Variants in KCNAB1 observed in about 807,000 individuals in gnomAD.
The protein encoded by KCNAB1 is potassium voltage-gated channel subfamily A regulatory beta subunit 1.
Under a neutral mutation model 64.6 loss-of-function variants are expected in KCNAB1, and 35 were observed. That is an observed-to-expected ratio of 0.54 (90% CI 0.41 to 0.72). The LOEUF is 0.72. Ranked by LOEUF, KCNAB1 falls within the 30% of genes least tolerant of loss-of-function variation. The probability of loss-of-function intolerance (pLI) is 0.00; values close to 1 mark genes in which losing one functional copy is unlikely to be tolerated. For missense variants in KCNAB1, 401 were observed against 512.9 expected (o/e 0.78, Z 2.11); for synonymous variants, 177 against 183.8 (o/e 0.96, Z 0.30).
chr3:156,252,787 G>A (rs910606545), intron 1 of KCNAB1, among the ~76,000 whole-genome samples: 1 of 152,158 alleles, frequency 6.6e-6, no homozygotes, highest in Non-Finnish European at 1.5e-5. Context: ...GAGCTTACAC[G>A]GGGACTTATG....
At chr3:156,505,607 A>AT (rs1252268513) in intron 8 of KCNAB1, among the ~76,000 whole-genome samples, 2 of 152,034 alleles carry the variant, frequency 1.3e-5, no homozygotes, top group Admixed American at 1.3e-4. Flanking sequence ...AATTGTAGAG[A>AT]TTTTTTACCT....
intron 1 of KCNAB1, among the ~76,000 whole-genome samples, chr3:156,231,535 C>T (rs1716531321): frequency 7.6e-6 from 1 of 131,896 alleles, no homozygotes; most frequent in South Asian, 2.8e-4. Context: ...TTTCTCCCTT[C>T]TTCCCTTCTT....
chr3:156,198,902 T>C (rs1396890445), intron 1 of KCNAB1, among the ~76,000 whole-genome samples: 1 of 149,964 alleles, frequency 6.7e-6, no homozygotes, highest in East Asian at 1.9e-4. Flanking sequence ...GTCATTGGTC[T>C]TTATATTTTG....
intron 1 of KCNAB1, among the ~76,000 whole-genome samples, chr3:156,146,305 G>A (rs542962091): frequency 1.3e-5 from 2 of 152,248 alleles, no homozygotes; most frequent in African/African-American, 4.8e-5. Context: ...CATTTTATCA[G>A]TGACTATAAA....
chr3:156,513,636 G>A (rs1248819658), intron 8 of KCNAB1, among the ~76,000 whole-genome samples: 4 of 152,178 alleles, frequency 2.6e-5, no homozygotes, highest in Non-Finnish European at 5.9e-5. Context: ...CATCCTCTGG[G>A]GAAGGGATTC....
intron 1 of KCNAB1, among the ~76,000 whole-genome samples, chr3:156,263,732 A>G (rs958713326): frequency 2.0e-5 from 3 of 152,098 alleles, no homozygotes; most frequent in Non-Finnish European, 4.4e-5. Flanking sequence ...CCTCCCATAT[A>G]CTTTAAATCA....
chr3:156,502,767 G>A (rs1716536793), intron 8 of KCNAB1, among the ~76,000 whole-genome samples: 1 of 152,146 alleles, frequency 6.6e-6, no homozygotes, highest in Non-Finnish European at 1.5e-5. Flanking sequence ...ATTGCCAAAG[G>A]AACCCCCAGG....
At chr3:156,267,947 A>G (rs1218611950) in intron 1 of KCNAB1, among the ~76,000 whole-genome samples, 1 of 151,966 alleles carries the variant, frequency 6.6e-6, no homozygotes, top group Non-Finnish European at 1.5e-5. Flanking sequence ...GACCATAGTC[A>G]CCTGCTTTTG....
intron 7 of KCNAB1, among the ~76,000 whole-genome samples, chr3:156,470,222 AT>A (rs1371157957): frequency 6.6e-6 from 1 of 152,182 alleles, no homozygotes; most frequent in African/African-American, 2.4e-5. Context: ...AGAGGAAGAA[AT>A]TTCACTAGCA....
chr3:156,501,475 G>A (rs1422274020), intron 8 of KCNAB1, among the ~76,000 whole-genome samples: 1 of 138,670 alleles, frequency 7.2e-6, no homozygotes, highest in African/African-American at 2.7e-5. Flanking sequence ...TGTTGCCCAG[G>A]CTGGAAATCG....
At chr3:156,331,569 G>A (rs1447260444) in intron 1 of KCNAB1, among the ~76,000 whole-genome samples, 3 of 151,904 alleles carry the variant, frequency 2.0e-5, no homozygotes, top group African/African-American at 7.3e-5. Context: ...ATAAATGAGG[G>A]CATATAAATG....
intron 13 of KCNAB1, 78 bp downstream of exon 13, chr3:156,531,575 T>A: frequency 1.9e-6 from 2 of 1,049,432 alleles, no homozygotes; most frequent in Non-Finnish European, 3.0e-6. Context: ...GTCCCATCTC[T>A]CCCCCTCTCT....
chr3:156,251,803 A>G (rs1717845430), intron 1 of KCNAB1, among the ~76,000 whole-genome samples: 1 of 152,148 alleles, frequency 6.6e-6, no homozygotes, highest in Non-Finnish European at 1.5e-5. Flanking sequence ...GTTCTGTGCA[A>G]TTGAAATTTA....
intron 2 of KCNAB1, among the ~76,000 whole-genome samples, chr3:156,443,334 G>A (rs1717143691): frequency 6.6e-6 from 1 of 152,130 alleles, no homozygotes; most frequent in East Asian, 1.9e-4. Context: ...TGTAAAGCAG[G>A]ATGTTGTTAC....
rs571672063 is a variant in KCNAB1, at chr3:156,369,998, C to A, written c.276-51618C>A. 1.3e-3 allele frequency among the ~76,000 whole-genome samples: 193 copies of A among 152,280 alleles called. 3 individuals are homozygous for A. The highest frequency in any genetic ancestry group is 8.0e-3 in the Admixed American group (122 of 15,298). On this transcript the variant is annotated intron_variant, in intron 1 of 13. Coordinates refer to ENST00000490337, the MANE Select transcript of KCNAB1 (RefSeq NM_172160.3). ...TTCCATTTTAGAAAGAAATAGAAGA[C>A]TAAATTTCATGCACAATAAAATGTT...
At chr3:156,504,336 A>AT (rs1716666219) in intron 8 of KCNAB1, among the ~76,000 whole-genome samples, 1 of 152,170 alleles carries the variant, frequency 6.6e-6, no homozygotes, top group African/African-American at 2.4e-5. Context: ...GGTTGATTCC[A>AT]TATCTTGGCT....
intron 8 of KCNAB1, among the ~76,000 whole-genome samples, chr3:156,503,209 A>G (rs1486992493): frequency 6.6e-6 from 1 of 152,196 alleles, no homozygotes; most frequent in Non-Finnish European, 1.5e-5. Context: ...TGTTGAAAGA[A>G]AAGGTGCAAT....
At chr3:156,389,376 C>T (rs1313413978) in intron 1 of KCNAB1, among the ~76,000 whole-genome samples, 1 of 152,196 alleles carries the variant, frequency 6.6e-6, no homozygotes, top group Non-Finnish European at 1.5e-5. Flanking sequence ...GTCCTACTCT[C>T]ACCCCAGCAA....
chr3:156,316,737 G>T lies in KCNAB1; in HGVS notation c.276-104879G>T, dbSNP rs918095895. On this transcript the variant is annotated intron_variant, in intron 1 of 13. Transcript: ENST00000490337. ...GCCAGGAGGCAGGTGACAAAGAGAG[G>T]TGCCAGTCCTCAGCCCAAAAGAGCT... 4.6e-5 allele frequency among the ~76,000 whole-genome samples: 7 copies of T among 152,168 alleles called. No homozygotes were observed. The East Asian group carries it at 1.3e-3, about 29-fold the overall frequency.
Sources: gnomAD v4.1 joint callset for allele counts (sites outside exome capture counted in the v4.1 genomes callset) on GRCh38, gnomAD v4.1.1 for gene constraint, MANE v1.5 for transcripts, NCBI Gene and HGNC (gene_info 2026-07-23, HGNC 2026-07-21) for gene names.